KRTAP12-4: variants seen among roughly 807,000 people sequenced by gnomAD.
KRTAP12-4 encodes the protein keratin associated protein 12-4, also known as keratin-associated protein 12-4.
For missense variants in KRTAP12-4, 148 were observed against 141.2 expected, an observed-to-expected ratio of 1.05 and a Z score of -0.24; for synonymous variants, 58 against 58.7, an observed-to-expected ratio of 0.99 and a Z score of 0.05.
rs587768043 is a variant in KRTAP12-4, at chr21:44,654,446, G to C, written c.169C>G (p.Gln57Glu). Residue 57 changes from glutamine to glutamate, a missense_variant, in exon 1 of 1, where the codon CAG becomes GAG. Physicochemically the swap from Gln to Glu is conservative, Grantham distance 29 (BLOSUM62 2). Transcript: ENST00000391618. Reference protein sequence around the residue: ...RPLCGVSTCCQPACCVPSPCQ... With the variant: ...RPLCGVSTCCEPACCVPSPCQ... ...GGGCTGGGCACACAGCAGGCTGGCT[G>C]GCAGCAGGTGGATACCCCACACAGG... 2 of 1,614,076 alleles carry C rather than the reference G, an allele frequency of 1.2e-6. No individual in the cohort carries two copies. Among genetic ancestry groups the C allele is most frequent in the Admixed American group, 3.3e-5 (2 of 60,024 alleles).
chr21:44,654,228 T>C lies in KRTAP12-4; in HGVS notation c.*48A>G. 6.8e-7 allele frequency: 1 copy of C among 1,477,004 alleles called. No homozygotes were observed. Among genetic ancestry groups the C allele is most frequent in the Non-Finnish European group, 9.4e-7 (1 of 1,061,272 alleles). 91.5% of individuals were successfully genotyped at this position (1,477,004 alleles called of 1,614,324 possible). ...CTGCCTGGCAGGAGTTCAGAGAGCC[T>C]GCTGGCTTCTGACCTCGCACCTACG... On this transcript the variant is annotated 3_prime_UTR_variant, in exon 1 of 1. Transcript: ENST00000391618.
rs1555942057 is a variant in KRTAP12-4, at chr21:44,654,321, G to T, written c.294C>A (p.Thr98=). The change falls in exon 1 of 1, where the codon ACC becomes ACA. Residue 98 remains threonine, a synonymous_variant. Coordinates refer to ENST00000391618, the MANE Select transcript of KRTAP12-4 (RefSeq NM_198698.1). ...TSGCCQPFCP[T]LVYRPVTWST... Reference sequence around the variant, plus strand: ...TCCAGGTGACAGGTCTATAGACCAGGGTGGGGCAGAAGGGCTGGCAGCACC... The same window carrying T: ...TCCAGGTGACAGGTCTATAGACCAGTGTGGGGCAGAAGGGCTGGCAGCACC... 1 of 1,614,078 alleles carries T rather than the reference G, an allele frequency of 6.2e-7. No homozygotes were observed. Among genetic ancestry groups the T allele is most frequent in the Non-Finnish European group, 8.5e-7 (1 of 1,179,952 alleles).
Position 44,654,327 on chromosome 21 carries a change from G to C in KRTAP12-4, c.288C>G (p.Cys96Trp). ...TGACAGGTCTATAGACCAGGGTGGG[G>C]CAGAAGGGCTGGCAGCACCCAGAGG... ...CPTSGCCQPF[C>W]PTLVYRPVTW... The change falls in exon 1 of 1, where the codon TGC becomes TGG. Residue 96 changes from cysteine to tryptophan, a missense_variant. By Grantham distance (215) the Cys-to-Trp change is radical. Transcript: ENST00000391618. The C allele has an allele frequency of 1.2e-6, 2 of 1,614,116 alleles. No homozygotes were observed. Among genetic ancestry groups the C allele is most frequent in the Non-Finnish European group, 1.7e-6 (2 of 1,179,956 alleles).
chr21:44,654,600 G>T lies in KRTAP12-4; in HGVS notation c.15C>A (p.Ser5Arg). 1 of 1,573,048 alleles carries T rather than the reference G, an allele frequency of 6.4e-7. No homozygotes were observed. Among genetic ancestry groups the T allele is most frequent in the South Asian group, 1.2e-5 (1 of 84,414 alleles). MCHT[S>R]HSSGCPMACP... ...AGGCCATTGGGCAGCCCGAAGAGTG[G>T]CTGGTGTGGCACATGATGGAGTGTG... The change falls in exon 1 of 1, where the codon AGC becomes AGA. Residue 5 changes from serine to arginine, a missense_variant. By Grantham distance (110) the Ser-to-Arg change is moderately radical. Coordinates refer to ENST00000391618, the MANE Select transcript of KRTAP12-4 (RefSeq NM_198698.1).
chr21:44,654,233 G>A lies in KRTAP12-4; in HGVS notation c.*43C>T. 1 of 1,503,428 alleles carries A rather than the reference G, an allele frequency of 6.7e-7. No homozygotes were observed. The highest frequency in any genetic ancestry group is 9.2e-7 in the Non-Finnish European group (1 of 1,084,032). The allele number at this position is 1,503,428 out of a possible 1,614,324, so 93.1% of individuals were successfully genotyped here. ...TGGCAGGAGTTCAGAGAGCCTGCTG[G>A]CTTCTGACCTCGCACCTACGAGGGT... On this transcript the variant is annotated 3_prime_UTR_variant, in exon 1 of 1. Transcript: ENST00000391618.
At position 44,654,261 on chromosome 21, in the gene KRTAP12-4, T is replaced by C. The variant is rs1555942023; in HGVS notation, c.*15A>G. The stretch of plus-strand genomic sequence containing the variant: ...TCTGACCTCGCACCTACGAGGGTCA[T>C]AGGAGGCCACCTGCTCAGCAGCCAG... On this transcript the variant is annotated 3_prime_UTR_variant, in exon 1 of 1. Transcript: ENST00000391618. 2 of 1,609,394 alleles carry C rather than the reference T, an allele frequency of 1.2e-6. No individual in the cohort carries two copies. The highest frequency in any genetic ancestry group is 1.3e-5 in the African/African-American group (1 of 74,778).
At position 44,654,408 on chromosome 21, in the gene KRTAP12-4, G is replaced by C. The variant is rs1555942092; in HGVS notation, c.207C>G (p.Ala69=). ...GCTTGCAGCTCACAGGCACACAGCA[G>C]GCCACCTGGCAGGGGCTGGGCACAC... ...ACCVPSPCQV[A]CCVPVSCKPV... Residue 69 remains alanine, a synonymous_variant, in exon 1 of 1, where the codon GCC becomes GCG. Coordinates refer to ENST00000391618, the MANE Select transcript of KRTAP12-4 (RefSeq NM_198698.1). The C allele has an allele frequency of 2.5e-6, 4 of 1,614,212 alleles. No homozygotes were observed. Among genetic ancestry groups the C allele is most frequent in the Non-Finnish European group, 3.4e-6 (4 of 1,180,018 alleles).
Position 44,654,401 on chromosome 21 carries a change from C to T in KRTAP12-4, c.214G>A (p.Val72Met). The part of the protein sequence containing the change: ...VPSPCQVACC[V>M]PVSCKPVLCV... The stretch of plus-strand genomic sequence containing the variant: ...AAAACAGGCTTGCAGCTCACAGGCA[C>T]ACAGCAGGCCACCTGGCAGGGGCTG... The change falls in exon 1 of 1, where the codon GTG becomes ATG. Residue 72 changes from valine to methionine, a missense_variant. Transcript: ENST00000391618. 1.2e-6 allele frequency: 2 copies of T among 1,614,156 alleles called. No individual in the cohort carries two copies. The highest frequency in any genetic ancestry group is 1.1e-5 in the South Asian group (1 of 91,086).
Position 44,654,461 on chromosome 21 carries a change from C to A in KRTAP12-4, c.154G>T (p.Val52Leu), listed in dbSNP as rs1002764602. 6.2e-7 allele frequency: 1 copy of A among 1,613,968 alleles called. No homozygotes were observed. The highest frequency in any genetic ancestry group is 1.7e-5 in the Admixed American group (1 of 59,994). The change falls in exon 1 of 1, where the codon GTA becomes TTA. Residue 52 changes from valine to leucine, a missense_variant. Coordinates refer to ENST00000391618, the MANE Select transcript of KRTAP12-4 (RefSeq NM_198698.1). The part of the protein sequence containing the change: ...VALLCRPLCG[V>L]STCCQPACCV... ...CAGGCTGGCTGGCAGCAGGTGGATA[C>A]CCCACACAGGGGCCGGCACAGCAGA...
rs1555942178 is a variant in KRTAP12-4 at position 44,654,522 on chromosome 21, A to G, written c.93T>C (p.Tyr31=). 6.2e-7 allele frequency: 1 copy of G among 1,613,200 alleles called. No homozygotes were observed. The highest frequency in any genetic ancestry group is 8.5e-7 in the Non-Finnish European group (1 of 1,179,596). Residue 31 remains tyrosine (Y), a synonymous_variant, in exon 1 of 1, where the codon TAT becomes TAC. Coordinates refer to ENST00000391618, the MANE Select transcript of KRTAP12-4 (RefSeq NM_198698.1). ...GGGCTGAGCAGCAGCAGGAGGTCCC[A>G]TAGCCCTCGGGTGGGTAGCAGGTGC... ...VPSTCYPPEG[Y]GTSCCCSAPC... is the part of the protein sequence containing the mutation.
In KRTAP12-4 at chr21:44,654,336, C is replaced by T. The variant is rs1984995858; in HGVS notation, c.279G>A (p.Gln93=). ...TATAGACCAGGGTGGGGCAGAAGGG[C>T]TGGCAGCACCCAGAGGTTGGGCAGA... ...ASFCPTSGCC[Q]PFCPTLVYRP... is the part of the protein sequence containing the mutation. Residue 93 remains glutamine, a synonymous_variant, in exon 1 of 1, where the codon CAG becomes CAA. Coordinates refer to ENST00000391618, the MANE Select transcript of KRTAP12-4 (RefSeq NM_198698.1). 6.2e-7 allele frequency: 1 copy of T among 1,613,958 alleles called. No individual in the cohort carries two copies. Among genetic ancestry groups the T allele is most frequent in the South Asian group, 1.1e-5 (1 of 91,078 alleles).
chr21:44,654,590 C>A lies in KRTAP12-4; in HGVS notation c.25G>T (p.Gly9Cys). ...GAGCCAGGGCAGGCCATTGGGCAGC[C>A]CGAAGAGTGGCTGGTGTGGCACATG... MCHTSHSS[G>C]CPMACPGSPC... is the part of the protein sequence containing the mutation. The change falls in exon 1 of 1, where the codon GGC becomes TGC. Residue 9 changes from glycine to cysteine, a missense_variant. Physicochemically the swap from Gly to Cys is radical, Grantham distance 159 (BLOSUM62 -3). Coordinates refer to ENST00000391618, the MANE Select transcript of KRTAP12-4 (RefSeq NM_198698.1). The A allele has an allele frequency of 1.3e-6, 2 of 1,588,838 alleles. No individual in the cohort carries two copies. Among genetic ancestry groups the A allele is most frequent in the South Asian group, 2.3e-5 (2 of 87,192 alleles).
chr21:44,654,256 G>A lies in KRTAP12-4; in HGVS notation c.*20C>T, dbSNP rs1555942021. Reference sequence around the variant, plus strand: ...TGGCTTCTGACCTCGCACCTACGAGGGTCATAGGAGGCCACCTGCTCAGCA... The same window carrying A: ...TGGCTTCTGACCTCGCACCTACGAGAGTCATAGGAGGCCACCTGCTCAGCA... On this transcript the variant is annotated 3_prime_UTR_variant, in exon 1 of 1. Coordinates refer to ENST00000391618, the MANE Select transcript of KRTAP12-4 (RefSeq NM_198698.1). The A allele has an allele frequency of 1.3e-6, 2 of 1,595,840 alleles. No homozygotes were observed. Among genetic ancestry groups the A allele is most frequent in the Non-Finnish European group, 1.7e-6 (2 of 1,164,266 alleles).
Sources: gnomAD v4.1 joint callset for allele counts on GRCh38, gnomAD v4.1.1 for gene constraint, MANE v1.5 for transcripts, NCBI Gene and HGNC (gene_info 2026-07-23, HGNC 2026-07-21) for gene names.